Variants in SPMAP2L observed in about 807,000 individuals in gnomAD.
The protein encoded by SPMAP2L is sperm microtubule associated protein 2-like.
the SPMAP2L span, chr4:56,593,655 T>C: frequency 1.2e-6 from 2 of 1,605,412 alleles, no homozygotes; most frequent in Non-Finnish European, 8.5e-7. Flanking sequence ...CACGCAGCAT[T>C]TTTTGCCGTC....
At chr4:56,571,687 A>T in the SPMAP2L span, among the ~76,000 whole-genome samples, 1 of 152,140 alleles carries the variant, frequency 6.6e-6, no homozygotes, top group Admixed American at 6.6e-5. Flanking sequence ...TCTCTAAAAA[A>T]AATTAAAAAA....
At chr4:56,539,203 T>C in the SPMAP2L span, among the ~76,000 whole-genome samples, 1 of 152,218 alleles carries the variant, frequency 6.6e-6, no homozygotes, top group Non-Finnish European at 1.5e-5. Context: ...TGCTGAACTT[T>C]ATTGAGCGCA....
chr4:56,607,685 T>C, the SPMAP2L span, among the ~76,000 whole-genome samples: 1 of 152,032 alleles, frequency 6.6e-6, no homozygotes, highest in African/African-American at 2.4e-5. Flanking sequence ...AACCAGACAG[T>C]TGGCAGAAAT....
chr4:56,615,891 C>A, the SPMAP2L span, among the ~76,000 whole-genome samples: 1 of 152,060 alleles, frequency 6.6e-6, no homozygotes, highest in Non-Finnish European at 1.5e-5. Context: ...CCCAGGTGAC[C>A]CTAATGTGCC....
the SPMAP2L span, chr4:56,592,923 A>G: frequency 1.4e-5 from 22 of 1,606,642 alleles, no homozygotes; most frequent in Non-Finnish European, 1.7e-5. Context: ...AGCATTGATG[A>G]ATTGATCGAG....
the SPMAP2L span, among the ~76,000 whole-genome samples, chr4:56,613,535 G>A: frequency 2.6e-5 from 4 of 152,160 alleles, no homozygotes; most frequent in Non-Finnish European, 5.9e-5. Flanking sequence ...CAGGCAGGCG[G>A]ACATCAAAGA....
the SPMAP2L span, among the ~76,000 whole-genome samples, chr4:56,592,570 A>T: frequency 6.6e-6 from 1 of 152,236 alleles, no homozygotes; most frequent in Non-Finnish European, 1.5e-5. Flanking sequence ...GGCTGGACGC[A>T]GCCGCCACCC....
chr4:56,544,115 A>T, the SPMAP2L span, among the ~76,000 whole-genome samples: 262 of 152,014 alleles, frequency 1.7e-3, 2 homozygotes, highest in African/African-American at 6.0e-3. Context: ...CAGCCTCCCG[A>T]GTAGCTGGGA....
At chr4:56,613,937 T>G in the SPMAP2L span, among the ~76,000 whole-genome samples, 3 of 152,210 alleles carry the variant, frequency 2.0e-5, no homozygotes, top group Admixed American at 2.0e-4. Context: ...CGAATAGCGC[T>G]GTCAGTGCTG....
At chr4:56,549,649 A>G in the SPMAP2L span, among the ~76,000 whole-genome samples, 1 of 152,218 alleles carries the variant, frequency 6.6e-6, no homozygotes, top group East Asian at 1.9e-4. Flanking sequence ...CTGAAAATCT[A>G]AAATCCCAAG....
At chr4:56,619,284 C>A in the SPMAP2L span, among the ~76,000 whole-genome samples, 1 of 152,274 alleles carries the variant, frequency 6.6e-6, no homozygotes, top group South Asian at 2.1e-4. Flanking sequence ...CCTCTAAAAG[C>A]AAAACTGCAG....
At chr4:56,581,579 C>T in the SPMAP2L span, among the ~76,000 whole-genome samples, 1 of 151,598 alleles carries the variant, frequency 6.6e-6, no homozygotes, top group East Asian at 1.9e-4. Flanking sequence ...GTGATGGTGC[C>T]ACTGCACTCC....
chr4:56,606,398 C>A, the SPMAP2L span, among the ~76,000 whole-genome samples: 7 of 152,092 alleles, frequency 4.6e-5, no homozygotes, highest in Non-Finnish European at 8.8e-5. Context: ...ATATGTAACC[C>A]AAGTCAGCCA....
the SPMAP2L span, among the ~76,000 whole-genome samples, chr4:56,609,318 G>A: frequency 4.6e-5 from 7 of 152,292 alleles, no homozygotes; most frequent in African/African-American, 1.4e-4. Flanking sequence ...TGGGATTACA[G>A]GCATGAGTCA....
the SPMAP2L span, among the ~76,000 whole-genome samples, chr4:56,583,743 A>G: frequency 6.6e-6 from 1 of 152,162 alleles, no homozygotes; most frequent in Non-Finnish European, 1.5e-5. Context: ...TTTTTATTTC[A>G]GAGATTTAAG....
At chr4:56,606,124 C>T in the SPMAP2L span, among the ~76,000 whole-genome samples, 29 of 152,112 alleles carry the variant, frequency 1.9e-4, no homozygotes, top group Non-Finnish European at 3.5e-4. Context: ...ACTCTTAATT[C>T]GTCTCAAAGT....
chr4:56,593,131 C>T, the SPMAP2L span: 1 of 1,577,946 alleles, frequency 6.3e-7, no homozygotes. Flanking sequence ...CAGGATGGAT[C>T]ACCCAGTATA....
the SPMAP2L span, among the ~76,000 whole-genome samples, chr4:56,540,089 T>C: frequency 6.6e-6 from 1 of 152,254 alleles, no homozygotes; most frequent in African/African-American, 2.4e-5. Flanking sequence ...ATATTAATAG[T>C]AGCTTATGTT....
chr4:56,538,028 T>A, the SPMAP2L span, among the ~76,000 whole-genome samples: 2 of 152,168 alleles, frequency 1.3e-5, no homozygotes, highest in Non-Finnish European at 2.9e-5. Flanking sequence ...CTGACAAGTC[T>A]GCCTGTGTCT....
Sources: allele counts gnomAD v4.1 joint callset (sites outside exome capture counted in the v4.1 genomes callset), GRCh38; gene constraint gnomAD v4.1.1; transcripts MANE v1.5; gene names NCBI Gene and HGNC (gene_info 2026-07-23, HGNC 2026-07-21).